PRUNE2: variants seen among roughly 807,000 people sequenced by gnomAD.
PRUNE2 encodes the protein protein prune homolog 2.
A neutral mutation model predicts 252.0 loss-of-function variants in PRUNE2; 164 were observed. The observed-to-expected ratio is 0.65, with a 90% CI of 0.57 to 0.74. PRUNE2 has a LOEUF of 0.74. Ranked by LOEUF, PRUNE2 falls within the 30% of genes least tolerant of loss-of-function variation. PRUNE2 has a pLI of 0.00. For synonymous variants in PRUNE2, 1,292 were observed against 1,350.2 expected, an observed-to-expected ratio of 0.96 and a Z score of 0.94; for missense variants, 3,495 against 3,711.0, an observed-to-expected ratio of 0.94 and a Z score of 1.51.
chr9:76,674,340 AC>A (rs1218611160), intron 9 of PRUNE2, among the ~76,000 whole-genome samples: 4 of 152,232 alleles, frequency 2.6e-5, no homozygotes, highest in African/African-American at 9.6e-5. Context: ...TAGGAATCCA[AC>A]TTACAAGGGA....
chr9:76,636,628 A>G, intron 14 of PRUNE2, 71 bp from the exon 15 acceptor site: 1 of 804,084 alleles, frequency 1.2e-6, no homozygotes, highest in East Asian at 2.7e-5. Context: ...CATAAAACAT[A>G]TTCCTAAATA....
intron 9 of PRUNE2, among the ~76,000 whole-genome samples, chr9:76,676,869 T>C (rs1300297612): frequency 6.6e-6 from 1 of 152,214 alleles, no homozygotes; most frequent in Non-Finnish European, 1.5e-5. Flanking sequence ...GCTGAAATGT[T>C]ACCATTGAAA....
At chr9:76,615,091 GC>G in intron 18 of PRUNE2, 1 of 987,206 alleles carries the variant, frequency 1.0e-6, no homozygotes, top group Non-Finnish European at 1.2e-6. Context: ...AAAGGGGTTA[GC>G]CTACCTTACT....
intron 9 of PRUNE2, among the ~76,000 whole-genome samples, chr9:76,697,766 A>T (rs1303463841): frequency 2.0e-5 from 3 of 152,306 alleles, no homozygotes; most frequent in East Asian, 3.9e-4. Context: ...CCACTTTCTC[A>T]TTTCTGGATG....
At chr9:76,704,519 C>A (rs1450842945) in intron 8 of PRUNE2, among the ~76,000 whole-genome samples, 1 of 152,182 alleles carries the variant, frequency 6.6e-6, no homozygotes, top group Non-Finnish European at 1.5e-5. Context: ...GCCACCGCGC[C>A]CAGCTAGAAA....
At chr9:76,730,909 T>C (rs1028631408) in intron 6 of PRUNE2, among the ~76,000 whole-genome samples, 2 of 151,944 alleles carry the variant, frequency 1.3e-5, no homozygotes, top group Non-Finnish European at 2.9e-5. Context: ...CTCAAAAAAA[T>C]AAAGAGACGA....
intron 16 of PRUNE2, among the ~76,000 whole-genome samples, chr9:76,625,814 T>C (rs918194192): frequency 6.6e-6 from 1 of 152,194 alleles, no homozygotes; most frequent in Non-Finnish European, 1.5e-5. Flanking sequence ...ACAACCTTTT[T>C]AGTGCCTTTT....
At chr9:76,803,812 G>A (rs575863449) in intron 6 of PRUNE2, among the ~76,000 whole-genome samples, 6 of 152,256 alleles carry the variant, frequency 3.9e-5, no homozygotes, top group Middle Eastern at 3.4e-3. Context: ...GTTACTTTCC[G>A]GAGTCTGTAA....
chr9:76,753,931 A>AAC (rs1163325629), intron 6 of PRUNE2, among the ~76,000 whole-genome samples: 13 of 151,558 alleles, frequency 8.6e-5, no homozygotes, highest in Non-Finnish European at 1.6e-4. Flanking sequence ...AAAAAAAAAA[A>AAC]AAAAGTTGCC....
At chr9:76,717,670 C>T (rs2047271215) in intron 6 of PRUNE2, among the ~76,000 whole-genome samples, 1 of 151,782 alleles carries the variant, frequency 6.6e-6, no homozygotes, top group African/African-American at 2.4e-5. Flanking sequence ...TCCTGTTGAA[C>T]TTACCACCCC....
chr9:76,754,766 A>G (rs1422172240), intron 6 of PRUNE2, among the ~76,000 whole-genome samples: 1 of 152,004 alleles, frequency 6.6e-6, no homozygotes, highest in Non-Finnish European at 1.5e-5. Flanking sequence ...AGAGATGGAG[A>G]CCATCCTGGC....
chr9:76,636,379 C>A (rs889686308), intron 15 of PRUNE2, 92 bp downstream of exon 15: 2 of 735,098 alleles, frequency 2.7e-6, no homozygotes, highest in South Asian at 1.6e-5. Flanking sequence ...CCTGGGTACT[C>A]TTAGTTTATG....
intron 1 of PRUNE2, among the ~76,000 whole-genome samples, chr9:76,854,873 G>A (rs1486058573): frequency 6.6e-6 from 1 of 151,518 alleles, no homozygotes; most frequent in Non-Finnish European, 1.5e-5. Flanking sequence ...GATCATCTTG[G>A]CCAATATGGT....
At chr9:76,813,927 C>T (rs758709235) in intron 6 of PRUNE2, among the ~76,000 whole-genome samples, 20 of 152,172 alleles carry the variant, frequency 1.3e-4, no homozygotes, top group Admixed American at 3.3e-4. Context: ...AGCAATTCTC[C>T]TGCCTCAGCC....
At chr9:76,832,688 C>T (rs1469506689) in intron 4 of PRUNE2, among the ~76,000 whole-genome samples, 1 of 151,124 alleles carries the variant, frequency 6.6e-6, no homozygotes, top group Non-Finnish European at 1.5e-5. Flanking sequence ...ATAATAAACA[C>T]AAGGCCAAAG....
At chr9:76,782,314 TGAAA>T (rs1473825911) in intron 6 of PRUNE2, among the ~76,000 whole-genome samples, 2 of 152,248 alleles carry the variant, frequency 1.3e-5, no homozygotes, top group Non-Finnish European at 2.9e-5. Context: ...AATGAATGAA[TGAAA>T]GAATGTGCTT....
Position 76,708,048 on chromosome 9 carries a change from T to G in PRUNE2, c.4226A>C (p.Asn1409Thr). The change falls in exon 8 of 19, where the codon AAT becomes ACT. Residue 1409 changes from asparagine (N) to threonine (T), a missense_variant. By Grantham distance (65) the Asn-to-Thr change is moderately conservative (BLOSUM62 0). Transcript: ENST00000376718. ...EVLEYEEGSY[N>T]LDSRDVQTGM... ...TGTTTGCACATCACGGGAGTCTAGA[T>G]TGTAAGACCCCTCCTCATACTCTAA... The G allele has an allele frequency of 6.2e-7, 1 of 1,613,968 alleles. No individual in the cohort carries two copies.
rs1828540121 is a variant in PRUNE2 at position 76,614,617 on chromosome 9, AAGAG to A, written c.9237-21_9237-18del. 3.7e-6 allele frequency: 6 copies of A among 1,605,470 alleles called. No homozygotes were observed. Among genetic ancestry groups the A allele is most frequent in the Non-Finnish European group, 4.3e-6 (5 of 1,173,914 alleles). The stretch of plus-strand genomic sequence containing the variant: ...AAGTCAATACTGCAAAGAAAAGAAA[AAGAG>A]AGAGAAACATGAGAAACCAAATGAG... On this transcript the variant is annotated intron_variant, in intron 18 of 18. Transcript: ENST00000376718.
chr9:76,865,019 T>C (rs977513137), intron 1 of PRUNE2, among the ~76,000 whole-genome samples: 3 of 152,158 alleles, frequency 2.0e-5, no homozygotes, highest in Admixed American at 6.5e-5. Flanking sequence ...CAAGCACAGT[T>C]TCAGAGAATT....
Sources: gnomAD v4.1 joint callset for allele counts (sites outside exome capture counted in the v4.1 genomes callset) on GRCh38, gnomAD v4.1.1 for gene constraint, MANE v1.5 for transcripts, NCBI Gene and HGNC (gene_info 2026-07-23, HGNC 2026-07-21) for gene names.